PIKFYVE: variants seen among roughly 807,000 people sequenced by gnomAD.
The protein encoded by PIKFYVE is 1-phosphatidylinositol 3-phosphate 5-kinase.
In PIKFYVE, 122 loss-of-function variants were observed where a neutral mutation model predicts 257.9. That is an observed-to-expected ratio of 0.47 (90% CI 0.41 to 0.55). The LOEUF is 0.55. Ranked by LOEUF, PIKFYVE falls within the 20% of genes least tolerant of loss-of-function variation. The probability of loss-of-function intolerance (pLI) is 0.00; values close to 1 mark genes in which losing one functional copy is unlikely to be tolerated. For missense variants in PIKFYVE, 2,160 were observed against 2,536.6 expected, an observed-to-expected ratio of 0.85 and a Z score of 3.19; for synonymous variants, 892 against 868.9, an observed-to-expected ratio of 1.03 and a Z score of -0.47.
At chr2:208,321,616 C>G (rs1157898647) in intron 17 of PIKFYVE, among the ~76,000 whole-genome samples, 2 of 125,162 alleles carry the variant, frequency 1.6e-5, no homozygotes, top group Non-Finnish European at 3.2e-5. Flanking sequence ...TCGCTCTTGT[C>G]CCCCAGGCTG....
chr2:208,337,422 A>C (rs905629696), intron 28 of PIKFYVE, among the ~76,000 whole-genome samples: 1 of 152,030 alleles, frequency 6.6e-6, no homozygotes, highest in Non-Finnish European at 1.5e-5. Flanking sequence ...TTATAGATAG[A>C]TATATCTATA....
At chr2:208,294,894 G>A (rs959336022) in intron 7 of PIKFYVE, among the ~76,000 whole-genome samples, 6 of 152,194 alleles carry the variant, frequency 3.9e-5, no homozygotes, top group South Asian at 2.1e-4. Flanking sequence ...GCCAGAAGCC[G>A]GAGGGAATTT....
chr2:208,312,253 A>G lies in PIKFYVE; in HGVS notation c.1654A>G (p.Thr552Ala), dbSNP rs201743021. The change falls in exon 13 of 42, where the codon ACT becomes GCT. Residue 552 changes from threonine to alanine, a missense_variant. By Grantham distance (58) the Thr-to-Ala change is moderately conservative. This residue lies in a region of PIKFYVE where 346 missense variants were observed against 365.6 expected (regional missense o/e 0.95). Transcript: ENST00000264380. ...GTATGCAGAGTATTTGATTTCTGAC[A>G]CTGGAGGACAACAGCTCTCAATAAG... ...ADQKEYLISD[T>A]GGQQLSISDA... 2.4e-5 allele frequency: 38 copies of G among 1,611,852 alleles called. No homozygotes were observed. In the East Asian group the frequency reaches 6.9e-4, roughly 29 times the overall value.
intron 23 of PIKFYVE, among the ~76,000 whole-genome samples, chr2:208,331,714 A>G (rs528419185): frequency 1.3e-5 from 2 of 152,208 alleles, no homozygotes; most frequent in Admixed American, 6.5e-5. Flanking sequence ...TGGAAGGCAC[A>G]TATGGGAATT....
intron 12 of PIKFYVE, among the ~76,000 whole-genome samples, chr2:208,309,274 G>A (rs1222416325): frequency 6.6e-6 from 1 of 152,082 alleles, no homozygotes; most frequent in Admixed American, 6.6e-5. Flanking sequence ...GCAATAGATT[G>A]AGACTAACAA....
At chr2:208,302,115 C>A in intron 9 of PIKFYVE, 127 bp from the exon 10 acceptor site, 2 of 776,516 alleles carry the variant, frequency 2.6e-6, no homozygotes, top group Middle Eastern at 2.3e-4. Flanking sequence ...TTTACTTATC[C>A]AAGGGCCATT....
intron 2 of PIKFYVE, among the ~76,000 whole-genome samples, chr2:208,272,856 T>A (rs1689614183): frequency 6.6e-6 from 1 of 152,190 alleles, no homozygotes; most frequent in African/African-American, 2.4e-5. Context: ...AAGATAGAAT[T>A]TCCGTATACT....
intron 8 of PIKFYVE, among the ~76,000 whole-genome samples, chr2:208,299,991 C>T (rs13394708): frequency 0.014 from 2,192 of 152,152 alleles, 62 homozygotes; most frequent in African/African-American, 0.05. Flanking sequence ...ATAGCCACTG[C>T]ACTCCAGCCT....
In PIKFYVE at chr2:208,313,309, A is replaced by C. The variant is rs573717948; in HGVS notation, c.1697-985A>C. 6.9e-4 allele frequency among the ~76,000 whole-genome samples: 105 copies of C among 152,340 alleles called. 1 individual carries two copies. Among genetic ancestry groups the C allele is most frequent in the Middle Eastern group, 3.4e-3 (1 of 294 alleles). ...TTTTCATTCATCCTTTAAAAAATTT[A>C]AAGATTTTACACAAATTCTACATAA... On this transcript the variant is annotated intron_variant, in intron 13 of 41. Transcript: ENST00000264380.
In PIKFYVE at chr2:208,325,466, A is replaced by C. The variant is rs1295888669; in HGVS notation, c.2655A>C (p.Gln885His). ...DEFAMPPTLMQNPSFHSLIEG... is the reference protein window; with the variant it reads ...DEFAMPPTLMHNPSFHSLIEG... ...TTGCTATGCCTCCCACATTAATGCAAAACCCTTCATTCCATTCCCTGATTG... is the reference window on the plus strand; with the variant it reads ...TTGCTATGCCTCCCACATTAATGCACAACCCTTCATTCCATTCCCTGATTG... Residue 885 changes from glutamine to histidine, a missense_variant, in exon 20 of 42, where the codon CAA becomes CAC. Physicochemically the swap from Gln to His is conservative, Grantham distance 24. Transcript: ENST00000264380. 1 of 1,614,148 alleles carries C rather than the reference A, an allele frequency of 6.2e-7. No homozygotes were observed. Among genetic ancestry groups the C allele is most frequent in the Non-Finnish European group, 8.5e-7 (1 of 1,180,008 alleles).
At chr2:208,288,129 GA>G (rs909558781) in intron 6 of PIKFYVE, among the ~76,000 whole-genome samples, 1 of 152,186 alleles carries the variant, frequency 6.6e-6, no homozygotes, top group African/African-American at 2.4e-5. Context: ...AGCTCCCTGA[GA>G]GATGTACAAT....
intron 6 of PIKFYVE, among the ~76,000 whole-genome samples, chr2:208,287,775 A>G (rs1349019924): frequency 6.8e-6 from 1 of 147,616 alleles, no homozygotes; most frequent in Non-Finnish European, 1.5e-5. Flanking sequence ...TAAGTTTTGT[A>G]TTTTCAGTAG....
At position 208,326,337 on chromosome 2, in the gene PIKFYVE, G is replaced by A. The variant is rs1248638890; in HGVS notation, c.3526G>A (p.Ala1176Thr). Residue 1176 changes from alanine (A) to threonine (T), a missense_variant, in exon 20 of 42, where the codon GCA becomes ACA. Physicochemically the swap from Ala to Thr is moderately conservative, Grantham distance 58 (BLOSUM62 0). Coordinates refer to ENST00000264380, the MANE Select transcript of PIKFYVE (RefSeq NM_015040.4). ...AGACCCTTTTGCTCATTCAAAGGAT[G>A]CATCAAGTACTTCAAGTGGCCAATC... is the stretch of plus-strand genomic sequence containing the variant. ...NSDPFAHSKD[A>T]SSTSSGQSGS... The A allele has an allele frequency of 2.5e-6, 4 of 1,613,596 alleles. No individual in the cohort carries two copies. In the South Asian group the frequency reaches 4.4e-5, roughly 18 times the overall value.
At chr2:208,279,211 G>A (rs1463309412) in intron 5 of PIKFYVE, among the ~76,000 whole-genome samples, 1 of 152,112 alleles carries the variant, frequency 6.6e-6, no homozygotes. Flanking sequence ...TTTTTGAGAA[G>A]TGTCTGTTCA....
chr2:208,294,786 G>A (rs1692754394), intron 7 of PIKFYVE, among the ~76,000 whole-genome samples: 1 of 152,124 alleles, frequency 6.6e-6, no homozygotes, highest in Non-Finnish European at 1.5e-5. Context: ...AGCAGGTTAG[G>A]CTCTGGTAAA....
chr2:208,278,215 C>T (rs1466049111), intron 5 of PIKFYVE, among the ~76,000 whole-genome samples: 1 of 152,074 alleles, frequency 6.6e-6, no homozygotes, highest in Non-Finnish European at 1.5e-5. Context: ...AGAAGATAGT[C>T]AGAAATTACC....
At chr2:208,320,951 T>C (rs1299961047) in intron 17 of PIKFYVE, among the ~76,000 whole-genome samples, 1 of 152,224 alleles carries the variant, frequency 6.6e-6, no homozygotes, top group Non-Finnish European at 1.5e-5. Flanking sequence ...CCCGCATCTC[T>C]GTGTGGTTCT....
chr2:208,304,201 G>C lies in PIKFYVE; in HGVS notation c.1351G>C (p.Asp451His). 1 of 1,614,066 alleles carries C rather than the reference G, an allele frequency of 6.2e-7. No homozygotes were observed. Among genetic ancestry groups the C allele is most frequent in the Non-Finnish European group, 8.5e-7 (1 of 1,180,004 alleles). ...STEFSETPSP[D>H]SDSVNSVEGH... ...AGAATTTTCTGAGACGCCTTCTCCCGACAGTGACTCAGTGAACTCCGTGGA... is the reference window on the plus strand; with the variant it reads ...AGAATTTTCTGAGACGCCTTCTCCCCACAGTGACTCAGTGAACTCCGTGGA... Residue 451 changes from aspartate (D) to histidine (H), a missense_variant, in exon 11 of 42, where the codon GAC (aspartate) becomes CAC (histidine). Transcript: ENST00000264380.
chr2:208,354,121 G>A lies in PIKFYVE; in HGVS notation c.6068G>A (p.Arg2023Gln), dbSNP rs756459252. 12 of 1,613,638 alleles carry A rather than the reference G, an allele frequency of 7.4e-6. No individual in the cohort carries two copies. The highest frequency in any genetic ancestry group is 2.2e-5 in the East Asian group (1 of 44,878). ...LIIDYSLLVG[R>Q]DDTSNELVVG... is the part of the protein sequence containing the mutation. ...ATAGATTATTCTTTGCTGGTTGGGC[G>A]AGATGATACTAGCAATGAGCTAGTA... Residue 2023 changes from arginine to glutamine, a missense_variant, in exon 40 of 42, where the codon CGA (arginine) becomes CAA (glutamine). Around this residue, in one of 12 missense-constraint regions of PIKFYVE, gnomAD observed 699 missense variants for 855.8 expected, o/e 0.82. Coordinates refer to ENST00000264380, the MANE Select transcript of PIKFYVE (RefSeq NM_015040.4).
Sources: allele counts gnomAD v4.1 joint callset (sites outside exome capture counted in the v4.1 genomes callset), GRCh38; gene constraint gnomAD v4.1.1; regional missense constraint gnomAD v4.1.1; transcripts MANE v1.5; gene names NCBI Gene and HGNC (gene_info 2026-07-23, HGNC 2026-07-21).